USP48: variants seen among roughly 807,000 people sequenced by gnomAD.
The protein encoded by USP48 is ubiquitin carboxyl-terminal hydrolase 48.
USP48 carries 43 observed loss-of-function variants against 150.7 expected under a neutral mutation model. The ratio of observed to expected loss-of-function variants is 0.29; its 90% confidence interval spans 0.22 to 0.37. The LOEUF is 0.37. USP48 is among the 10% of genes least tolerant of loss of function. USP48 has a pLI of 1.00. For missense variants in USP48, 813 were observed against 1,249.6 expected (o/e 0.65, Z 5.27); for synonymous variants, 396 against 425.9 (o/e 0.93, Z 0.86).
At chr1:21,760,640 G>C (rs915819593) in intron 1 of USP48, among the ~76,000 whole-genome samples, 4 of 152,074 alleles carry the variant, frequency 2.6e-5, no homozygotes, top group African/African-American at 9.7e-5. Context: ...ACTTGAAACT[G>C]GAAGGCGGGA....
At chr1:21,682,874 GAAA>G (rs113666436) in intron 25 of USP48, among the ~76,000 whole-genome samples, 1 of 121,814 alleles carries the variant, frequency 8.2e-6, no homozygotes, top group African/African-American at 3.0e-5. Flanking sequence ...CTCCATCTCA[GAAA>G]AAAAAAAAAA....
chr1:21,746,796 A>G (rs1336425587), intron 8 of USP48, among the ~76,000 whole-genome samples: 1 of 152,188 alleles, frequency 6.6e-6, no homozygotes, highest in East Asian at 1.9e-4. Flanking sequence ...AGAAACAGTA[A>G]AATACCTTTT....
chr1:21,705,557 G>A (rs2097669864), intron 19 of USP48, among the ~76,000 whole-genome samples, 170 bp downstream of exon 19: 1 of 152,108 alleles, frequency 6.6e-6, no homozygotes, highest in Non-Finnish European at 1.5e-5. Flanking sequence ...GTCTTTCCTG[G>A]AGAAGCAGTC....
chr1:21,759,415 A>G (rs1409103705), intron 1 of USP48, among the ~76,000 whole-genome samples: 1 of 152,174 alleles, frequency 6.6e-6, no homozygotes, highest in Admixed American at 6.6e-5. Flanking sequence ...TCTAATTAGT[A>G]GGCTTCTTTT....
At chr1:21,703,422 T>C in intron 21 of USP48, 90 bp downstream of exon 21, 2 of 976,958 alleles carry the variant, frequency 2.0e-6, no homozygotes, top group Non-Finnish European at 3.1e-6. Context: ...AATGCAGTCC[T>C]AGGCAGACCC....
intron 9 of USP48, among the ~76,000 whole-genome samples, chr1:21,733,722 A>AT (rs2097762389): frequency 6.6e-6 from 1 of 152,168 alleles, no homozygotes; most frequent in Non-Finnish European, 1.5e-5. Context: ...ATGTAGATAG[A>AT]TTTTAAAAAA....
chr1:21,776,949 AAG>A (rs1193135724), intron 1 of USP48, among the ~76,000 whole-genome samples: 1 of 149,318 alleles, frequency 6.7e-6, no homozygotes, highest in Non-Finnish European at 1.5e-5. Context: ...CTCTGTCTCA[AAG>A]AAAAAAAAAA....
chr1:21,772,861 G>A (rs2097885562), intron 1 of USP48, among the ~76,000 whole-genome samples: 1 of 151,336 alleles, frequency 6.6e-6, no homozygotes, highest in Non-Finnish European at 1.5e-5. Context: ...GGCAAAGGTT[G>A]CAGTGAGCTG....
At chr1:21,704,124 G>A in intron 20 of USP48, 138 bp downstream of exon 20, 1 of 902,610 alleles carries the variant, frequency 1.1e-6, no homozygotes, top group African/African-American at 1.7e-5. Context: ...ATAATGGGAT[G>A]ATTATAATGA....
At chr1:21,772,161 C>T in intron 1 of USP48, among the ~76,000 whole-genome samples, 1 of 152,068 alleles carries the variant, frequency 6.6e-6, no homozygotes, top group East Asian at 1.9e-4. Context: ...TACTAAAACA[C>T]AACATGAGTG....
chr1:21,716,010 G>A (rs535284262), intron 14 of USP48, among the ~76,000 whole-genome samples: 1 of 152,320 alleles, frequency 6.6e-6, no homozygotes, highest in East Asian at 1.9e-4. Context: ...CCACCCACAA[G>A]TTTAATGCCT....
At chr1:21,763,471 G>A (rs1056257799) in intron 1 of USP48, among the ~76,000 whole-genome samples, 2 of 152,144 alleles carry the variant, frequency 1.3e-5, no homozygotes, top group Non-Finnish European at 2.9e-5. Flanking sequence ...ATGGGGGGGC[G>A]GGGTTGTGTT....
At chr1:21,686,631 G>A (rs1274326240) in intron 25 of USP48, 1 of 152,466 alleles carries the variant, frequency 6.6e-6, no homozygotes, top group Non-Finnish European at 1.5e-5. Flanking sequence ...GTAATGGGCT[G>A]CCCGAATTTG....
At chr1:21,715,581 C>A in intron 14 of USP48, 124 bp from the exon 15 acceptor site, 1 of 524,248 alleles carries the variant, frequency 1.9e-6, no homozygotes, top group South Asian at 3.2e-5. Flanking sequence ...AAATTAGACC[C>A]ATGTGATTCC....
At chr1:21,740,665 T>C (rs2097779536) in intron 8 of USP48, among the ~76,000 whole-genome samples, 1 of 152,220 alleles carries the variant, frequency 6.6e-6, no homozygotes, top group African/African-American at 2.4e-5. Context: ...CAAGTCACTC[T>C]AACTGCAAGG....
chr1:21,703,112 C>T (rs1422021564), intron 21 of USP48, among the ~76,000 whole-genome samples: 1 of 152,234 alleles, frequency 6.6e-6, no homozygotes, highest in African/African-American at 2.4e-5. Context: ...TCACACTAAC[C>T]TCCACTTGAC....
intron 11 of USP48, chr1:21,728,325 G>A: frequency 2.4e-6 from 3 of 1,254,244 alleles, no homozygotes; most frequent in Non-Finnish European, 3.0e-6. Flanking sequence ...TGGATGCAGA[G>A]TGCTGACCTA....
At chr1:21,772,981 C>T (rs558475849) in intron 1 of USP48, among the ~76,000 whole-genome samples, 62 of 149,780 alleles carry the variant, frequency 4.1e-4, no homozygotes, top group African/African-American at 1.4e-3. Flanking sequence ...AATATTCGGC[C>T]GGGCGTGATG....
At chr1:21,707,187 G>A (rs2097675083) in intron 15 of USP48, among the ~76,000 whole-genome samples, 1 of 152,120 alleles carries the variant, frequency 6.6e-6, no homozygotes, top group Non-Finnish European at 1.5e-5. Flanking sequence ...GAAGGAAGTA[G>A]TCAAAAATGG....
Sources: gnomAD v4.1 joint callset for allele counts (sites outside exome capture counted in the v4.1 genomes callset) on GRCh38, gnomAD v4.1.1 for gene constraint, MANE v1.5 for transcripts, NCBI Gene and HGNC (gene_info 2026-07-23, HGNC 2026-07-21) for gene names.